PRELID2: variants seen among roughly 807,000 people sequenced by gnomAD.
PRELID2 encodes the protein PRELI domain containing 2.
In PRELID2, 25 loss-of-function variants were observed where a neutral mutation model predicts 28.4. That is an observed-to-expected ratio of 0.88 (90% CI 0.64 to 1.23). The LOEUF (loss-of-function observed/expected upper bound fraction) is 1.23. PRELID2 is among the 50% of genes most tolerant of loss of function. The pLI is 0.00. For missense variants in PRELID2, 201 were observed against 214.4 expected, an observed-to-expected ratio of 0.94 and a Z score of 0.39; for synonymous variants, 76 against 71.6, an observed-to-expected ratio of 1.06 and a Z score of -0.31.
At chr5:145,543,789 T>C (rs908029753) in intron 1 of PRELID2, among the ~76,000 whole-genome samples, 1 of 152,082 alleles carries the variant, frequency 6.6e-6, no homozygotes, top group African/African-American at 2.4e-5. Context: ...ATTGTCGCAT[T>C]TGGAGGCCAT....
intron 1 of PRELID2, among the ~76,000 whole-genome samples, chr5:145,706,105 G>GA (rs535972277): frequency 6.6e-5 from 10 of 151,710 alleles, no homozygotes; most frequent in Non-Finnish European, 1.2e-4. Flanking sequence ...AATTAAATGG[G>GA]AAAAAAAAGG....
At chr5:145,726,317 G>C (rs537409924) in intron 1 of PRELID2, among the ~76,000 whole-genome samples, 2 of 142,796 alleles carry the variant, frequency 1.4e-5, no homozygotes, top group Non-Finnish European at 3.0e-5. Context: ...GAGAGAGAGA[G>C]AGAAAGAGAG....
intron 1 of PRELID2, among the ~76,000 whole-genome samples, chr5:145,509,093 T>C (rs1195185536): frequency 6.6e-6 from 1 of 152,120 alleles, no homozygotes; most frequent in Non-Finnish European, 1.5e-5. Flanking sequence ...ATAGAGTAGG[T>C]ATTTGCATCC....
chr5:145,240,353 A>AT, the PRELID2 span, among the ~76,000 whole-genome samples: 1 of 151,938 alleles, frequency 6.6e-6, no homozygotes, highest in African/African-American at 2.4e-5. Flanking sequence ...CAATATTAAC[A>AT]TTTTGTTTCT....
chr5:145,282,934 G>T, the PRELID2 span, among the ~76,000 whole-genome samples: 848 of 152,194 alleles, frequency 5.6e-3, 11 homozygotes, highest in East Asian at 0.054. Flanking sequence ...ATTAGTGAAG[G>T]TTCATCTTTA....
At chr5:145,535,381 G>A (rs1045518744) in intron 1 of PRELID2, among the ~76,000 whole-genome samples, 1 of 151,766 alleles carries the variant, frequency 6.6e-6, no homozygotes, top group Non-Finnish European at 1.5e-5. Flanking sequence ...AGTGAGACTT[G>A]AGCCCACTTC....
At chr5:145,229,892 C>T in the PRELID2 span, 7 of 750,656 alleles carry the variant, frequency 9.3e-6, no homozygotes, top group South Asian at 2.7e-5. Flanking sequence ...GCCAGGTGTA[C>T]ATCCTTGGCT....
At chr5:145,571,334 G>A (rs991069227) in intron 1 of PRELID2, among the ~76,000 whole-genome samples, 1 of 152,092 alleles carries the variant, frequency 6.6e-6, no homozygotes, top group African/African-American at 2.4e-5. Flanking sequence ...GACAGGAAGT[G>A]GGGGGCCAAA....
At chr5:145,419,413 A>T in the PRELID2 span, among the ~76,000 whole-genome samples, 1 of 124,244 alleles carries the variant, frequency 8.0e-6, no homozygotes, top group African/African-American at 3.0e-5. Flanking sequence ...CTTTTTAATG[A>T]TTGCCATTCT....
chr5:145,375,045 T>C, the PRELID2 span, among the ~76,000 whole-genome samples: 8 of 152,154 alleles, frequency 5.3e-5, no homozygotes, highest in African/African-American at 1.7e-4. Context: ...ACTGTGATCA[T>C]TTGGAGAAGA....
chr5:145,299,481 A>G, the PRELID2 span, among the ~76,000 whole-genome samples: 1 of 152,096 alleles, frequency 6.6e-6, no homozygotes, highest in African/African-American at 2.4e-5. Context: ...AATTACCTTC[A>G]GCTTTGATTT....
intron 1 of PRELID2, among the ~76,000 whole-genome samples, chr5:145,502,250 G>A (rs554931923): frequency 2.0e-5 from 3 of 152,056 alleles, no homozygotes; most frequent in Non-Finnish European, 4.4e-5. Context: ...AGAGAGAGGA[G>A]AGGTGCTACC....
chr5:145,596,720 G>C (rs549397487), intron 1 of PRELID2, among the ~76,000 whole-genome samples: 23 of 152,202 alleles, frequency 1.5e-4, no homozygotes, highest in African/African-American at 5.5e-4. Context: ...TCGTACATGA[G>C]ATAAACTCAC....
chr5:145,417,246 G>T, the PRELID2 span, among the ~76,000 whole-genome samples: 4 of 152,078 alleles, frequency 2.6e-5, no homozygotes, highest in African/African-American at 9.7e-5. Context: ...TGAAACTGAG[G>T]CAGTAATAAA....
intron 1 of PRELID2, among the ~76,000 whole-genome samples, chr5:145,642,795 G>A (rs1754130009): frequency 6.6e-6 from 1 of 152,094 alleles, no homozygotes; most frequent in African/African-American, 2.4e-5. Context: ...TTGCTTGTTT[G>A]TGTCAGGTTT....
At chr5:145,258,574 G>A in the PRELID2 span, among the ~76,000 whole-genome samples, 5 of 152,124 alleles carry the variant, frequency 3.3e-5, no homozygotes, top group South Asian at 2.1e-4. Context: ...ATAATTTAGG[G>A]TATCTGTAGA....
the PRELID2 span, among the ~76,000 whole-genome samples, chr5:145,333,819 CAA>C: frequency 4.4e-5 from 4 of 91,076 alleles, no homozygotes; most frequent in African/African-American, 3.9e-5. Context: ...CTGGAGTATA[CAA>C]AAAAAAAAAA....
the PRELID2 span, among the ~76,000 whole-genome samples, chr5:145,413,796 G>A: frequency 2.6e-5 from 4 of 151,986 alleles, no homozygotes; most frequent in African/African-American, 9.7e-5. Flanking sequence ...ATCATGCAGT[G>A]TTTGTCTTTC....
intron 1 of PRELID2, among the ~76,000 whole-genome samples, chr5:145,697,135 CAT>C (rs1429605572): frequency 7.0e-6 from 1 of 143,404 alleles, no homozygotes; most frequent in East Asian, 2.0e-4. Context: ...TATACACACA[CAT>C]AGGCACACAT....
Sources: allele counts gnomAD v4.1 joint callset (sites outside exome capture counted in the v4.1 genomes callset), GRCh38; gene constraint gnomAD v4.1.1; transcripts MANE v1.5; gene names NCBI Gene and HGNC (gene_info 2026-07-23, HGNC 2026-07-21).